PRELID2: variants seen among roughly 807,000 people sequenced by gnomAD.
PRELID2 encodes PRELI domain containing 2, also known as PRELI domain-containing protein 2.
In PRELID2, 25 loss-of-function variants were observed where a neutral mutation model predicts 28.4. The ratio of observed to expected loss-of-function variants is 0.88; its 90% confidence interval spans 0.64 to 1.23. The LOEUF (loss-of-function observed/expected upper bound fraction) is 1.23, where lower values mean the gene tolerates loss of function less well. PRELID2 is among the 50% of genes most tolerant of loss of function. The pLI is 0.00. For synonymous variants in PRELID2, 76 were observed against 71.6 expected (o/e 1.06, Z -0.31); for missense variants, 201 against 214.4 (o/e 0.94, Z 0.39).
the PRELID2 span, among the ~76,000 whole-genome samples, chr5:145,414,983 G>C: frequency 1.3e-5 from 2 of 152,142 alleles, no homozygotes; most frequent in Non-Finnish European, 2.9e-5. Flanking sequence ...CTCAGCTCTG[G>C]ATCAAGTGGC....
chr5:145,429,073 G>C, the PRELID2 span, among the ~76,000 whole-genome samples: 1 of 152,160 alleles, frequency 6.6e-6, no homozygotes, highest in African/African-American at 2.4e-5. Flanking sequence ...CTTAAGCAGA[G>C]GGTGACATTA....
chr5:145,450,439 G>A, the PRELID2 span, among the ~76,000 whole-genome samples: 1 of 152,096 alleles, frequency 6.6e-6, no homozygotes, highest in Non-Finnish European at 1.5e-5. Flanking sequence ...ACAAGGAGAA[G>A]CAACAATCTA....
intron 1 of PRELID2, among the ~76,000 whole-genome samples, chr5:145,661,260 C>T (rs1262834538): frequency 6.6e-6 from 1 of 152,146 alleles, no homozygotes; most frequent in Non-Finnish European, 1.5e-5. Flanking sequence ...TATATGTATA[C>T]AAGGCCTGCT....
chr5:145,711,095 G>A (rs577580439), intron 1 of PRELID2, among the ~76,000 whole-genome samples: 2 of 152,258 alleles, frequency 1.3e-5, no homozygotes, highest in South Asian at 4.1e-4. Context: ...AAGCATTCAA[G>A]AGGATCAATA....
the PRELID2 span, among the ~76,000 whole-genome samples, chr5:145,271,617 T>C: frequency 7.2e-5 from 11 of 152,176 alleles, no homozygotes; most frequent in African/African-American, 2.4e-4. Flanking sequence ...TGAAGAGGTG[T>C]GTATTAAAAG....
chr5:145,405,173 T>C, the PRELID2 span, among the ~76,000 whole-genome samples: 1 of 152,108 alleles, frequency 6.6e-6, no homozygotes, highest in African/African-American at 2.4e-5. Flanking sequence ...GAAAATATAA[T>C]TAAAAACAAA....
the PRELID2 span, among the ~76,000 whole-genome samples, chr5:145,377,585 T>C: frequency 6.6e-6 from 1 of 152,226 alleles, no homozygotes. Context: ...CAGTTAAATC[T>C]TCTTGTTGTG....
At chr5:145,502,972 G>A (rs961690017) in intron 1 of PRELID2, among the ~76,000 whole-genome samples, 1 of 152,092 alleles carries the variant, frequency 6.6e-6, no homozygotes, top group Non-Finnish European at 1.5e-5. Context: ...TGAAAGAAGG[G>A]CAGCTATGAA....
At chr5:145,672,469 A>G (rs1754726381) in intron 1 of PRELID2, among the ~76,000 whole-genome samples, 1 of 150,150 alleles carries the variant, frequency 6.7e-6, no homozygotes. Context: ...GCTTTTTTGA[A>G]GCTAATGCTC....
At chr5:145,303,419 T>C in the PRELID2 span, among the ~76,000 whole-genome samples, 1 of 152,238 alleles carries the variant, frequency 6.6e-6, no homozygotes, top group Admixed American at 6.5e-5. Flanking sequence ...GAAGCTTATA[T>C]TGCTTTTATA....
At chr5:145,323,554 TG>T in the PRELID2 span, among the ~76,000 whole-genome samples, 2 of 152,198 alleles carry the variant, frequency 1.3e-5, no homozygotes, top group African/African-American at 4.8e-5. Flanking sequence ...GTGTACAGGT[TG>T]TTTCATCACC....
chr5:145,525,989 T>A (rs1752602801), intron 1 of PRELID2, among the ~76,000 whole-genome samples: 1 of 152,188 alleles, frequency 6.6e-6, no homozygotes, highest in South Asian at 2.1e-4. Context: ...TGCAAGGGGC[T>A]GGGAGTCAAA....
chr5:145,404,777 A>C, the PRELID2 span, among the ~76,000 whole-genome samples: 1 of 152,242 alleles, frequency 6.6e-6, no homozygotes, highest in South Asian at 2.1e-4. Context: ...GGTCCAGTTT[A>C]AAGTGAGAAA....
the PRELID2 span, among the ~76,000 whole-genome samples, chr5:145,429,184 T>G: frequency 6.6e-6 from 1 of 152,190 alleles, no homozygotes. Flanking sequence ...AGAAACCTAT[T>G]GCAATAATGA....
chr5:145,229,073 C>T, the PRELID2 span: 5 of 1,561,710 alleles, frequency 3.2e-6, no homozygotes, highest in Non-Finnish European at 4.4e-6. Flanking sequence ...AGGACCACTA[C>T]CTCCTGGGTA....
At chr5:145,618,565 C>T (rs907964216) in intron 1 of PRELID2, among the ~76,000 whole-genome samples, 1 of 152,158 alleles carries the variant, frequency 6.6e-6, no homozygotes, top group Non-Finnish European at 1.5e-5. Flanking sequence ...TGGATACCAG[C>T]ACCTGTTCCA....
chr5:145,805,001 C>T (rs975977585), intron 4 of PRELID2, among the ~76,000 whole-genome samples: 2 of 152,084 alleles, frequency 1.3e-5, no homozygotes, highest in Non-Finnish European at 2.9e-5. Flanking sequence ...TCTATTGTCT[C>T]GAGATCTTTA....
chr5:145,513,505 C>T (rs139659851), intron 1 of PRELID2, among the ~76,000 whole-genome samples: 78 of 152,174 alleles, frequency 5.1e-4, no homozygotes, highest in African/African-American at 1.9e-3. Context: ...ACCGAATCTA[C>T]GTTTGATTGG....
At chr5:145,590,720 G>A (rs930074088) in intron 1 of PRELID2, among the ~76,000 whole-genome samples, 2 of 151,968 alleles carry the variant, frequency 1.3e-5, no homozygotes, top group African/African-American at 4.8e-5. Flanking sequence ...TTGTCTATTA[G>A]TCCAGATAAT....
Sources: allele counts gnomAD v4.1 joint callset (sites outside exome capture counted in the v4.1 genomes callset), GRCh38; gene constraint gnomAD v4.1.1; transcripts MANE v1.5; gene names NCBI Gene and HGNC (gene_info 2026-07-23, HGNC 2026-07-21).